The following CLVS2 variants were observed in gnomAD, a reference collection of about 807,000 sequenced individuals.
CLVS2 encodes clavesin 2.
CLVS2 carries 19 observed loss-of-function variants against 29.0 expected under a neutral mutation model. The observed-to-expected ratio is 0.66, with a 90% CI of 0.46 to 0.96. The LOEUF is 0.96. CLVS2 is among the 40% of genes least tolerant of loss of function. The pLI is 0.00. For missense variants in CLVS2, 294 were observed against 404.1 expected, an observed-to-expected ratio of 0.73 and a Z score of 2.34; for synonymous variants, 161 against 151.3, an observed-to-expected ratio of 1.06 and a Z score of -0.47.
chr6:123,025,678 T>C (rs1774990845), intron 3 of CLVS2, among the ~76,000 whole-genome samples: 1 of 152,202 alleles, frequency 6.6e-6, no homozygotes, highest in Admixed American at 6.5e-5. Context: ...CCAGACTTTA[T>C]GTCCCCAGGG....
At chr6:123,036,663 G>A (rs1047140744) in intron 3 of CLVS2, among the ~76,000 whole-genome samples, 6 of 152,322 alleles carry the variant, frequency 3.9e-5, no homozygotes, top group South Asian at 4.1e-4. Context: ...TTTAGAGACA[G>A]AATTAGAGTT....
intron 3 of CLVS2, among the ~76,000 whole-genome samples, chr6:123,041,603 T>C (rs1775235675): frequency 6.6e-6 from 1 of 152,226 alleles, no homozygotes; most frequent in Non-Finnish European, 1.5e-5. Context: ...AGTCACAGTG[T>C]TGTGAAGTCT....
Position 123,072,157 on chromosome 6 carries a change from G to T in CLVS2, c.*8396G>T, listed in dbSNP as rs1281294567. On this transcript the variant is annotated 3_prime_UTR_variant, in exon 6 of 6. Coordinates refer to ENST00000275162, the MANE Select transcript of CLVS2 (RefSeq NM_001010852.4). ...ATTCCTTTTCTTCAGCTACATTGTT[G>T]TGCCTTTCCCAACACTGTAATAATT... 2.0e-5 allele frequency: 3 copies of T among 151,880 alleles called. No homozygotes were observed. The highest frequency in any genetic ancestry group is 7.2e-5 in the African/African-American group (3 of 41,404). 9.4% of individuals were successfully genotyped at this position (151,880 alleles called of 1,614,324 possible). A position where few individuals can be genotyped will look rare whatever the true frequency, so the allele number is the denominator to read the frequency against.
At chr6:123,018,786 G>A (rs1774879529) in intron 3 of CLVS2, among the ~76,000 whole-genome samples, 1 of 151,076 alleles carries the variant, frequency 6.6e-6, no homozygotes, top group African/African-American at 2.4e-5. Context: ...GATACCATTT[G>A]ATGTGCAATT....
intron 3 of CLVS2, among the ~76,000 whole-genome samples, chr6:123,025,812 T>G (rs1774992473): frequency 6.6e-6 from 1 of 152,164 alleles, no homozygotes; most frequent in African/African-American, 2.4e-5. Flanking sequence ...GTTTCCTCTG[T>G]TGTAACTGCA....
At chr6:123,008,492 C>T (rs1160175859) in intron 2 of CLVS2, among the ~76,000 whole-genome samples, 1 of 152,086 alleles carries the variant, frequency 6.6e-6, no homozygotes. Context: ...TTACTACATA[C>T]AATGTATCAT....
At chr6:123,026,421 T>G (rs182091770) in intron 3 of CLVS2, among the ~76,000 whole-genome samples, 79 of 152,292 alleles carry the variant, frequency 5.2e-4, no homozygotes, top group African/African-American at 1.6e-3. Flanking sequence ...CAATGCATTA[T>G]GTTAAAAAGG....
intron 5 of CLVS2, among the ~76,000 whole-genome samples, chr6:123,057,202 G>A (rs557249054): frequency 6.6e-6 from 1 of 152,234 alleles, no homozygotes; most frequent in African/African-American, 2.4e-5. Context: ...CCCTCACCTA[G>A]CTCAGGGAGG....
chr6:123,007,366 G>A (rs1452774829), intron 2 of CLVS2, among the ~76,000 whole-genome samples: 3 of 152,128 alleles, frequency 2.0e-5, no homozygotes, highest in African/African-American at 4.8e-5. Flanking sequence ...ACTAAGCTGC[G>A]ATTAGGCAAA....
rs1582671216 is a variant in CLVS2 at position 123,071,007 on chromosome 6, A to G, written c.*7246A>G. ...ATGAAACAGCCCTGTGGTTCTTCAT[A>G]TTCTCCTTTCCTGCTGTATTTCCTC... On this transcript the variant is annotated 3_prime_UTR_variant, in exon 6 of 6. Coordinates refer to ENST00000275162, the MANE Select transcript of CLVS2 (RefSeq NM_001010852.4). The G allele has an allele frequency of 6.6e-6, 1 of 151,854 alleles. No homozygotes were observed. Among genetic ancestry groups the G allele is most frequent in the South Asian group, 2.1e-4 (1 of 4,830 alleles). 9.4% of individuals were successfully genotyped at this position (151,854 alleles called of 1,614,324 possible). A position where few individuals can be genotyped will look rare whatever the true frequency, so the allele number is the denominator to read the frequency against.
At chr6:123,019,717 A>G (rs1004998709) in intron 3 of CLVS2, among the ~76,000 whole-genome samples, 2 of 152,070 alleles carry the variant, frequency 1.3e-5, no homozygotes, top group African/African-American at 4.8e-5. Context: ...AAAGAAATAG[A>G]ACAAATATAT....
chr6:123,037,080 GT>G (rs1038003829), intron 3 of CLVS2, among the ~76,000 whole-genome samples: 6 of 151,670 alleles, frequency 4.0e-5, no homozygotes, highest in Non-Finnish European at 8.8e-5. Flanking sequence ...TTTTTTCTGT[GT>G]TTTTGCTTTT....
At chr6:123,027,103 A>T (rs1156907621) in intron 3 of CLVS2, among the ~76,000 whole-genome samples, 1 of 152,150 alleles carries the variant, frequency 6.6e-6, no homozygotes, top group African/African-American at 2.4e-5. Context: ...TGAAGAGTTG[A>T]TCAAAGGAAG....
At chr6:123,035,470 GT>G (rs1326646001) in intron 3 of CLVS2, among the ~76,000 whole-genome samples, 1 of 151,920 alleles carries the variant, frequency 6.6e-6, no homozygotes, top group Non-Finnish European at 1.5e-5. Context: ...AAGATGTTGG[GT>G]AAAAAGTCTC....
chr6:123,016,152 C>T (rs149243110), intron 3 of CLVS2, among the ~76,000 whole-genome samples: 16 of 150,044 alleles, frequency 1.1e-4, no homozygotes, highest in African/African-American at 3.7e-4. Flanking sequence ...TGTCTTCCTA[C>T]TTACAAGAGT....
chr6:123,010,480 C>T (rs924811390), intron 2 of CLVS2, among the ~76,000 whole-genome samples: 2 of 152,054 alleles, frequency 1.3e-5, no homozygotes, highest in Non-Finnish European at 2.9e-5. Context: ...CTCTTTCTAT[C>T]CCTACCACCT....
intron 2 of CLVS2, among the ~76,000 whole-genome samples, chr6:123,003,393 A>G (rs1219569200): frequency 6.6e-6 from 1 of 152,222 alleles, no homozygotes; most frequent in African/African-American, 2.4e-5. Flanking sequence ...AAATTAATAC[A>G]TCTCCTCCTT....
chr6:123,057,929 T>C (rs1199104691), intron 5 of CLVS2, among the ~76,000 whole-genome samples: 1 of 152,124 alleles, frequency 6.6e-6, no homozygotes, highest in African/African-American at 2.4e-5. Flanking sequence ...GTATGCAAAA[T>C]TTTGTGTGCG....
intron 3 of CLVS2, among the ~76,000 whole-genome samples, chr6:123,025,931 C>G (rs1489563018): frequency 6.6e-6 from 1 of 152,070 alleles, no homozygotes; most frequent in Non-Finnish European, 1.5e-5. Flanking sequence ...GTCTTGGCAT[C>G]TGTTACCTAG....
Sources: gnomAD v4.1 joint callset for allele counts (sites outside exome capture counted in the v4.1 genomes callset) on GRCh38, gnomAD v4.1.1 for gene constraint, MANE v1.5 for transcripts, NCBI Gene and HGNC (gene_info 2026-07-23, HGNC 2026-07-21) for gene names.